LAMA2: variants seen among roughly 807,000 people sequenced by gnomAD.
The protein encoded by LAMA2 is laminin subunit alpha 2.
A neutral mutation model predicts 364.8 loss-of-function variants in LAMA2; 269 were observed. That is an observed-to-expected ratio of 0.74 (90% CI 0.67 to 0.82). LAMA2 has a LOEUF of 0.82. Among genes scored for constraint, LAMA2 ranks in the 40% least tolerant of loss-of-function variants. The probability of loss-of-function intolerance (pLI) is 0.00; values close to 1 mark genes in which losing one functional copy is unlikely to be tolerated. For missense variants in LAMA2, 3,807 were observed against 3,873.2 expected, an observed-to-expected ratio of 0.98 and a Z score of 0.45; for synonymous variants, 1,379 against 1,370.6, an observed-to-expected ratio of 1.01 and a Z score of -0.14.
intron 12 of LAMA2, among the ~76,000 whole-genome samples, chr6:129,233,158 G>A (rs370826738): frequency 2.2e-4 from 33 of 152,140 alleles, no homozygotes; most frequent in African/African-American, 7.2e-4. Flanking sequence ...TGGAATATTC[G>A]CCTACAGAAC....
At chr6:129,455,969 T>A (rs1243587342) in intron 47 of LAMA2, among the ~76,000 whole-genome samples, 1 of 152,190 alleles carries the variant, frequency 6.6e-6, no homozygotes, top group Non-Finnish European at 1.5e-5. Context: ...ATAAATTGTA[T>A]GTGTTGGTAA....
chr6:128,980,510 T>A (rs943124087), intron 1 of LAMA2, among the ~76,000 whole-genome samples: 3 of 152,190 alleles, frequency 2.0e-5, no homozygotes, highest in Admixed American at 6.5e-5. Flanking sequence ...CACTTTTTTG[T>A]GTGTGTGGAA....
At position 129,453,061 on chromosome 6, in the gene LAMA2, A is replaced by G. The variant is rs1782765791; in HGVS notation, c.6503A>G (p.Asn2168Ser). ...YKPEIKKGSY[N>S]NIVVNVKTAV... ...CCAGAAATCAAGAAAGGAAGTTACAATAATATTGTTGTCAACGTAAAGACA... is the reference window on the plus strand; with the variant it reads ...CCAGAAATCAAGAAAGGAAGTTACAGTAATATTGTTGTCAACGTAAAGACA... The change falls in exon 46 of 65, where the codon AAT becomes AGT. Residue 2168 changes from asparagine to serine, a missense_variant. By Grantham distance (46) the Asn-to-Ser change is conservative. Around this residue, in one of 3 missense-constraint regions of LAMA2, gnomAD observed 3,333 missense variants for 3,345.7 expected, o/e 1.00. Transcript: ENST00000421865. 1 of 1,613,004 alleles carries G rather than the reference A, an allele frequency of 6.2e-7. No individual in the cohort carries two copies. The highest frequency in any genetic ancestry group is 8.5e-7 in the Non-Finnish European group (1 of 1,179,342).
chr6:129,238,735 C>G (rs545675442), intron 12 of LAMA2, among the ~76,000 whole-genome samples: 1 of 152,158 alleles, frequency 6.6e-6, no homozygotes, highest in South Asian at 2.1e-4. Flanking sequence ...CACGATTGCT[C>G]CATCTATACA....
chr6:129,020,336 T>A (rs908475638), intron 1 of LAMA2, among the ~76,000 whole-genome samples: 1 of 152,080 alleles, frequency 6.6e-6, no homozygotes, highest in African/African-American at 2.4e-5. Flanking sequence ...GAAGTTTCCA[T>A]CACTGGAATA....
At chr6:128,995,385 G>C (rs1381779560) in intron 1 of LAMA2, among the ~76,000 whole-genome samples, 1 of 152,146 alleles carries the variant, frequency 6.6e-6, no homozygotes, top group African/African-American at 2.4e-5. Context: ...GCAGTGGCAC[G>C]ATCTCGGCTC....
intron 1 of LAMA2, among the ~76,000 whole-genome samples, chr6:128,953,597 TTGTGTGTGTG>T (rs113782463): frequency 6.6e-5 from 8 of 121,804 alleles, no homozygotes; most frequent in African/African-American, 9.4e-5. Flanking sequence ...GCCCATGGAC[TTGTGTGTGTG>T]TGTGTGTGTG....
At chr6:129,489,354 C>T (rs535252150) in intron 56 of LAMA2, among the ~76,000 whole-genome samples, 6 of 133,426 alleles carry the variant, frequency 4.5e-5, no homozygotes, top group Non-Finnish European at 7.9e-5. Context: ...ATTCTCTCTC[C>T]CTTCCACCCC....
At chr6:129,140,761 G>A (rs914496379) in intron 4 of LAMA2, among the ~76,000 whole-genome samples, 5 of 151,928 alleles carry the variant, frequency 3.3e-5, no homozygotes, top group South Asian at 2.1e-4. Flanking sequence ...CACACAAAAC[G>A]GTGGAAGGAA....
intron 40 of LAMA2, among the ~76,000 whole-genome samples, chr6:129,416,942 C>T (rs1378081111): frequency 6.6e-6 from 1 of 152,156 alleles, no homozygotes; most frequent in African/African-American, 2.4e-5. Context: ...AATTGGCTTC[C>T]ACCACTGGTA....
intron 2 of LAMA2, among the ~76,000 whole-genome samples, chr6:129,054,669 T>A (rs1342802965): frequency 7.0e-6 from 1 of 142,040 alleles, no homozygotes; most frequent in East Asian, 1.9e-4. Flanking sequence ...AAATATATGA[T>A]ATGTAATATA....
At chr6:129,312,806 T>C in intron 22 of LAMA2, 55 bp from the exon 23 acceptor site, 1 of 1,215,804 alleles carries the variant, frequency 8.2e-7, no homozygotes, top group South Asian at 1.2e-5. Flanking sequence ...ATTAAAATTT[T>C]AAGATATTTC....
chr6:129,349,643 A>G (rs1776749411), intron 31 of LAMA2, among the ~76,000 whole-genome samples: 2 of 151,036 alleles, frequency 1.3e-5, no homozygotes, highest in Non-Finnish European at 3.0e-5. Context: ...GTATATATAT[A>G]TATATAATTT....
chr6:129,073,064 C>T (rs1030235131), intron 3 of LAMA2, among the ~76,000 whole-genome samples: 2 of 151,960 alleles, frequency 1.3e-5, no homozygotes, highest in Non-Finnish European at 2.9e-5. Flanking sequence ...AATCTCTCAT[C>T]TTTTGTTTGT....
At chr6:129,194,756 T>C (rs945743271) in intron 12 of LAMA2, among the ~76,000 whole-genome samples, 1 of 152,216 alleles carries the variant, frequency 6.6e-6, no homozygotes, top group Non-Finnish European at 1.5e-5. Context: ...ATGTAAATTT[T>C]TGATACTACA....
At chr6:128,911,238 C>T (rs9321138) in intron 1 of LAMA2, among the ~76,000 whole-genome samples, 3 of 152,170 alleles carry the variant, frequency 2.0e-5, no homozygotes, top group Non-Finnish European at 4.4e-5. Context: ...CCCCCAGCCT[C>T]GCTGCCGCCT....
intron 1 of LAMA2, among the ~76,000 whole-genome samples, chr6:128,926,372 G>C (rs1239565989): frequency 3.9e-5 from 6 of 152,084 alleles, no homozygotes; most frequent in Non-Finnish European, 8.8e-5. Context: ...TCAAGGATCA[G>C]AACATATCAT....
At chr6:129,175,698 G>C (rs1411306445) in intron 9 of LAMA2, among the ~76,000 whole-genome samples, 3 of 152,100 alleles carry the variant, frequency 2.0e-5, no homozygotes, top group Non-Finnish European at 1.5e-5. Context: ...TCAGTGGGTG[G>C]GGGTCTAGGG....
At chr6:129,285,538 C>A (rs1303273540) in intron 18 of LAMA2, among the ~76,000 whole-genome samples, 1 of 152,174 alleles carries the variant, frequency 6.6e-6, no homozygotes, top group African/African-American at 2.4e-5. Flanking sequence ...CTCCAAAGGG[C>A]AGTAACTCAT....
Sources: gnomAD v4.1 joint callset for allele counts (sites outside exome capture counted in the v4.1 genomes callset) on GRCh38, gnomAD v4.1.1 for gene constraint, gnomAD v4.1.1 regional missense constraint, MANE v1.5 for transcripts, NCBI Gene and HGNC (gene_info 2026-07-23, HGNC 2026-07-21) for gene names.